The following KCND3 variants were observed in gnomAD, a reference collection of about 807,000 sequenced individuals.
KCND3 encodes the protein A-type voltage-gated potassium channel KCND3.
In KCND3, 9 loss-of-function variants were observed where a neutral mutation model predicts 51.1. The ratio of observed to expected loss-of-function variants is 0.18; its 90% confidence interval spans 0.11 to 0.31. The LOEUF (loss-of-function observed/expected upper bound fraction) is 0.31. KCND3 is among the 10% of genes least tolerant of loss of function. The probability of loss-of-function intolerance (pLI) is 1.00; values close to 1 mark genes in which losing one functional copy is unlikely to be tolerated. For synonymous variants in KCND3, 349 were observed against 368.0 expected (o/e 0.95, Z 0.59); for missense variants, 526 against 903.8 (o/e 0.58, Z 5.36).
chr1:111,798,101 G>A lies in KCND3; in HGVS notation c.1107-10995C>T, dbSNP rs188421046. ...ACTGACTCACTGTGAGGGTGCAGGG[G>A]AGAATCTTGGGGTGAGGCTCAGGCT... On this transcript the variant is annotated intron_variant, in intron 2 of 7. Transcript: ENST00000302127. Among the ~76,000 whole-genome samples, 19 of 152,334 alleles carry A rather than the reference G, an allele frequency of 1.2e-4. No homozygotes were observed. The East Asian group carries it at 3.3e-3, about 26-fold the overall frequency.
At chr1:111,884,556 G>A (rs1282023165) in intron 2 of KCND3, among the ~76,000 whole-genome samples, 2 of 152,158 alleles carry the variant, frequency 1.3e-5, no homozygotes, top group East Asian at 3.9e-4. Flanking sequence ...GCACTAGAGA[G>A]GAGACCACGC....
chr1:111,981,683 G>C lies in KCND3; in HGVS notation c.1044C>G (p.Ala348=). 1 of 1,614,150 alleles carries C rather than the reference G, an allele frequency of 6.2e-7. No individual in the cohort carries two copies. The highest frequency in any genetic ancestry group is 1.1e-5 in the South Asian group (1 of 91,078). The change falls in exon 2 of 8, where the codon GCC becomes GCG. Residue 348 remains alanine, a synonymous_variant. Coordinates refer to ENST00000302127, the MANE Select transcript of KCND3 (RefSeq NM_001378969.1). This position sits in a 1 kb window ranked among gnomAD's most constrained non-coding sequence, Gnocchi z 6.2. ...AGGCAGGGATGCTTGTGAACTTGCTGGCCGAGGAGCCCTTCTCGGCATAAA... is the reference window on the plus strand; with the variant it reads ...AGGCAGGGATGCTTGTGAACTTGCTCGCCGAGGAGCCCTTCTCGGCATAAA... The part of the protein sequence containing the change: ...VMFYAEKGSS[A]SKFTSIPASF...
intron 2 of KCND3, among the ~76,000 whole-genome samples, chr1:111,937,147 G>A (rs899088955): frequency 1.3e-5 from 2 of 152,196 alleles, no homozygotes; most frequent in South Asian, 4.1e-4. Context: ...ACATCCTAGA[G>A]AGGCAATGGG....
chr1:111,845,146 C>T (rs1176464622), intron 2 of KCND3, among the ~76,000 whole-genome samples: 4 of 152,140 alleles, frequency 2.6e-5, no homozygotes, highest in South Asian at 4.1e-4. Flanking sequence ...ATCCAGTGGG[C>T]GCTCTTCAGT....
intron 2 of KCND3, among the ~76,000 whole-genome samples, chr1:111,930,116 A>C (rs1029663356): frequency 1.3e-5 from 2 of 152,162 alleles, no homozygotes; most frequent in African/African-American, 4.8e-5. Context: ...GGAATGCGGG[A>C]CAAAGCGAGG....
chr1:111,923,327 G>A (rs1317097154), intron 2 of KCND3, among the ~76,000 whole-genome samples: 2 of 152,172 alleles, frequency 1.3e-5, no homozygotes, highest in East Asian at 1.9e-4. Flanking sequence ...TGCTTCCCTT[G>A]CCAGCACAGT....
chr1:111,879,604 G>C (rs1669208927), intron 2 of KCND3, among the ~76,000 whole-genome samples: 1 of 152,192 alleles, frequency 6.6e-6, no homozygotes, highest in Non-Finnish European at 1.5e-5. Flanking sequence ...GAGAGTCTGG[G>C]GAAAAACAAT....
rs3058881 is a variant in KCND3, at chr1:111,971,295, CAAAAA to C, written c.1106+10321_1106+10325del. ...TTTGTTTAATAATCATTGCAGGAGG[CAAAAA>C]AAAAAAAAAAAACACCACAAAACAA... On this transcript the variant is annotated intron_variant, in intron 2 of 7. Transcript: ENST00000302127. 1.8e-3 allele frequency among the ~76,000 whole-genome samples: 243 copies of C among 134,830 alleles called. 1 individual carries two copies. The highest frequency in any genetic ancestry group is 2.5e-3 in the Non-Finnish European group (160 of 63,362). 88.5% of individuals were successfully genotyped at this position (134,830 alleles called of 152,430 possible). A position where few individuals can be genotyped will look rare whatever the true frequency, so the allele number is the denominator to read the frequency against.
chr1:111,865,282 G>C (rs1014004275), intron 2 of KCND3, among the ~76,000 whole-genome samples: 2 of 152,244 alleles, frequency 1.3e-5, no homozygotes, highest in African/African-American at 4.8e-5. Context: ...ACGGCCACAG[G>C]TCTTGCCTTC....
rs563181927 is a variant in KCND3 at position 111,865,775 on chromosome 1, G to A, written c.1107-78669C>T. Among the ~76,000 whole-genome samples the A allele has an allele frequency of 1.7e-3, 262 of 152,300 alleles. 1 individual carries two copies. Among genetic ancestry groups the A allele is most frequent in the Middle Eastern group, 0.01 (3 of 292 alleles). ...GCTGGAGTGCAGTGGTGTGATCATGGCTCCCTGCAGCCTCTACGTCCTGGA... is the reference window on the plus strand; with the variant it reads ...GCTGGAGTGCAGTGGTGTGATCATGACTCCCTGCAGCCTCTACGTCCTGGA... On this transcript the variant is annotated intron_variant, in intron 2 of 7. Transcript: ENST00000302127.
chr1:111,932,202 C>G (rs1672007884), intron 2 of KCND3, among the ~76,000 whole-genome samples: 1 of 152,196 alleles, frequency 6.6e-6, no homozygotes, highest in Non-Finnish European at 1.5e-5. Context: ...GGTCAGCTGA[C>G]TAGCAACCTT....
At chr1:111,892,373 C>T (rs941709201) in intron 2 of KCND3, among the ~76,000 whole-genome samples, 1 of 152,210 alleles carries the variant, frequency 6.6e-6, no homozygotes, top group African/African-American at 2.4e-5. Context: ...AGTGAGCCAG[C>T]TCTCCAATGT....
chr1:111,945,953 C>G (rs1672757834), intron 2 of KCND3, among the ~76,000 whole-genome samples: 1 of 152,152 alleles, frequency 6.6e-6, no homozygotes, highest in South Asian at 2.1e-4. Context: ...ACTTACTAGC[C>G]CTGTGACCTC....
chr1:111,812,369 T>C (rs567556976), intron 2 of KCND3, among the ~76,000 whole-genome samples: 5 of 152,278 alleles, frequency 3.3e-5, no homozygotes, highest in Admixed American at 2.6e-4. Flanking sequence ...GGGCACCCAA[T>C]GCTACCAAAC....
At chr1:111,835,664 A>C (rs1363056493) in intron 2 of KCND3, among the ~76,000 whole-genome samples, 1 of 152,264 alleles carries the variant, frequency 6.6e-6, no homozygotes. Context: ...ATGCCATGGC[A>C]ACATCCGGAA....
chr1:111,933,704 C>A (rs1206760532), intron 2 of KCND3, among the ~76,000 whole-genome samples: 1 of 152,142 alleles, frequency 6.6e-6, no homozygotes, highest in East Asian at 1.9e-4. Context: ...TTTTCCTGAT[C>A]CTCATCTTAA....
chr1:111,809,820 T>C (rs1003234059), intron 2 of KCND3, among the ~76,000 whole-genome samples: 1 of 152,094 alleles, frequency 6.6e-6, no homozygotes, highest in South Asian at 2.1e-4. Context: ...CAAGACAGGG[T>C]CCCCAACCTG....
intron 2 of KCND3, among the ~76,000 whole-genome samples, chr1:111,937,026 G>T (rs1672252532): frequency 6.6e-6 from 1 of 152,210 alleles, no homozygotes; most frequent in African/African-American, 2.4e-5. Context: ...TCAATGATAA[G>T]GGTCTCAGGA....
chr1:111,887,185 T>C (rs2798333), intron 2 of KCND3, among the ~76,000 whole-genome samples: 146,718 of 152,294 alleles, frequency 0.96, 70,730 homozygotes, highest in Middle Eastern at 1. Flanking sequence ...TGCTGAAGAG[T>C]TGTCTGTTCT....
Sources: gnomAD v4.1 joint callset for allele counts (sites outside exome capture counted in the v4.1 genomes callset) on GRCh38, gnomAD v4.1.1 for gene constraint, Gnocchi (gnomAD v3.1) non-coding constraint, MANE v1.5 for transcripts, NCBI Gene and HGNC (gene_info 2026-07-23, HGNC 2026-07-21) for gene names.